The following MARK1 variants were observed in gnomAD, a reference collection of about 807,000 sequenced individuals.
MARK1 encodes the protein microtubule affinity regulating kinase 1.
A neutral mutation model predicts 96.3 loss-of-function variants in MARK1; 40 were observed. The ratio of observed to expected loss-of-function variants is 0.42; its 90% CI spans 0.32 to 0.54. The LOEUF (loss-of-function observed/expected upper bound fraction) is 0.54, where lower values mean the gene tolerates loss of function less well. Among genes scored for constraint, MARK1 ranks in the 20% least tolerant of loss-of-function variants. The pLI is 0.16. For missense variants in MARK1, 719 were observed against 984.6 expected (o/e 0.73, Z 3.61); for synonymous variants, 317 against 341.2 (o/e 0.93, Z 0.78).
intron 6 of MARK1, among the ~76,000 whole-genome samples, chr1:220,609,633 C>A (rs1461947684): frequency 6.6e-6 from 1 of 152,140 alleles, no homozygotes; most frequent in Non-Finnish European, 1.5e-5. Flanking sequence ...ATAATTGATG[C>A]AGTTTCTTCA....
chr1:220,652,074 T>G lies in MARK1; in HGVS notation c.1660T>G (p.Ser554Ala). The change falls in exon 15 of 18, where the codon TCC (serine) becomes GCC (alanine). Residue 554 changes from serine to alanine, a missense_variant. Around this residue, in one of 4 missense-constraint regions of MARK1, gnomAD observed 501 missense variants for 588.3 expected, o/e 0.85. Transcript: ENST00000366917. ...CTCAGCACGACCCCGCCACCAGAAGTCCATGTCCACTTCTGGTCATCCTAT... is the reference window on the plus strand; with the variant it reads ...CTCAGCACGACCCCGCCACCAGAAGGCCATGTCCACTTCTGGTCATCCTAT... ...VPSARPRHQKSMSTSGHPIKV... is the reference protein window; with the variant it reads ...VPSARPRHQKAMSTSGHPIKV... 6.2e-7 allele frequency: 1 copy of G among 1,613,780 alleles called. No homozygotes were observed.
At position 220,615,791 on chromosome 1, in the gene MARK1, T is replaced by C. The variant is rs112121892; in HGVS notation, c.496-148T>C. The stretch of plus-strand genomic sequence containing the variant: ...CAGTGAAAGTTTCATCACTTTAATG[T>C]GTATAGTTTTCTGAACTAAAAGCAT... On this transcript the variant is annotated intron_variant, in intron 6 of 17. Coordinates refer to ENST00000366917, the MANE Select transcript of MARK1 (RefSeq NM_018650.5). The C allele has an allele frequency of 9.1e-5, 46 of 505,698 alleles. 1 individual carries two copies. Among genetic ancestry groups the C allele is most frequent in the African/African-American group, 7.0e-4 (35 of 50,170 alleles). The allele number at this position is 505,698 out of a possible 1,614,324, so 31.3% of individuals were successfully genotyped here.
intron 1 of MARK1, among the ~76,000 whole-genome samples, chr1:220,531,698 A>T (rs1660327089): frequency 3.3e-5 from 5 of 152,184 alleles, no homozygotes; most frequent in Admixed American, 3.3e-4. Flanking sequence ...GTACTTTTTC[A>T]GGAGTATTTT....
At chr1:220,626,088 G>A (rs1667314331) in intron 9 of MARK1, 2 of 605,010 alleles carry the variant, frequency 3.3e-6, no homozygotes, top group South Asian at 3.1e-5. Flanking sequence ...GTGGCTCTCT[G>A]GCAAGTGCTG....
intron 1 of MARK1, among the ~76,000 whole-genome samples, chr1:220,558,147 A>ATAG (rs34054588): frequency 0.011 from 1,598 of 146,916 alleles, 26 homozygotes; most frequent in African/African-American, 0.038. Flanking sequence ...AATAATAATA[A>ATAG]TAATAATAAT....
chr1:220,646,965 A>G (rs1668611020), intron 13 of MARK1, among the ~76,000 whole-genome samples: 1 of 152,248 alleles, frequency 6.6e-6, no homozygotes, highest in African/African-American at 2.4e-5. Flanking sequence ...AAGAAAATCT[A>G]GGCAATACCA....
intron 13 of MARK1, among the ~76,000 whole-genome samples, chr1:220,650,137 T>C (rs1668793890): frequency 6.6e-6 from 1 of 152,158 alleles, no homozygotes; most frequent in South Asian, 2.1e-4. Context: ...CCTGGGGCAT[T>C]TAGTCTGCTT....
chr1:220,631,715 G>A (rs2103006362), intron 10 of MARK1, among the ~76,000 whole-genome samples: 1 of 152,232 alleles, frequency 6.6e-6, no homozygotes, highest in Non-Finnish European at 1.5e-5. Context: ...CAGAGTGGCA[G>A]GGGAGAGCAT....
chr1:220,592,484 T>C (rs1179904952), intron 3 of MARK1, among the ~76,000 whole-genome samples: 1 of 151,840 alleles, frequency 6.6e-6, no homozygotes, highest in Non-Finnish European at 1.5e-5. Flanking sequence ...AGCTCAGAAG[T>C]AGATTCCTCC....
intron 1 of MARK1, among the ~76,000 whole-genome samples, chr1:220,576,421 C>CAA (rs10710315): frequency 3.6e-5 from 5 of 138,558 alleles, no homozygotes; most frequent in African/African-American, 1.4e-4. Context: ...TTTTATTGGC[C>CAA]AAAAAAAAAA....
intron 1 of MARK1, among the ~76,000 whole-genome samples, chr1:220,554,713 A>G (rs1387158579): frequency 6.6e-6 from 1 of 152,240 alleles, no homozygotes; most frequent in East Asian, 1.9e-4. Context: ...TTCAGCAAGG[A>G]AACCACATCT....
At chr1:220,567,555 G>A (rs1265548497) in intron 1 of MARK1, among the ~76,000 whole-genome samples, 1 of 152,046 alleles carries the variant, frequency 6.6e-6, no homozygotes, top group Non-Finnish European at 1.5e-5. Flanking sequence ...TTGCTACTCT[G>A]GACTTTCCCT....
At chr1:220,604,484 C>A (rs1403923921) in intron 6 of MARK1, among the ~76,000 whole-genome samples, 2 of 151,798 alleles carry the variant, frequency 1.3e-5, no homozygotes, top group Non-Finnish European at 2.9e-5. Context: ...TTATTACTGG[C>A]TTTATATATA....
chr1:220,599,128 T>C (rs1665572209), intron 4 of MARK1, among the ~76,000 whole-genome samples: 1 of 152,210 alleles, frequency 6.6e-6, no homozygotes, highest in African/African-American at 2.4e-5. Flanking sequence ...AAAAGTTGAT[T>C]TCAATTTTAG....
intron 9 of MARK1, chr1:220,626,329 C>T: frequency 1.8e-6 from 1 of 545,564 alleles, no homozygotes; most frequent in East Asian, 4.8e-5. Context: ...TATGTCTTCT[C>T]CTAAGTAGGG....
chr1:220,568,095 T>C (rs1042911027), intron 1 of MARK1, among the ~76,000 whole-genome samples: 2 of 152,204 alleles, frequency 1.3e-5, no homozygotes, highest in Non-Finnish European at 2.9e-5. Context: ...GTTAAAATAT[T>C]GTTAAATTAT....
intron 1 of MARK1, among the ~76,000 whole-genome samples, chr1:220,552,999 T>G (rs1450742909): frequency 6.6e-6 from 1 of 152,180 alleles, no homozygotes; most frequent in Non-Finnish European, 1.5e-5. Context: ...ATGGCTACTT[T>G]GTTCATGAGG....
chr1:220,624,615 AG>A (rs1165755707), intron 9 of MARK1, among the ~76,000 whole-genome samples: 3 of 151,716 alleles, frequency 2.0e-5, no homozygotes, highest in Admixed American at 6.6e-5. Context: ...AAAAAAAAAA[AG>A]TTTTAGATTT....
chr1:220,534,093 G>A (rs1312803938), intron 1 of MARK1, among the ~76,000 whole-genome samples: 1 of 151,696 alleles, frequency 6.6e-6, no homozygotes, highest in East Asian at 1.9e-4. Context: ...TTTTTGGTGG[G>A]GAGGGAGTAG....
Sources: gnomAD v4.1 joint callset for allele counts (sites outside exome capture counted in the v4.1 genomes callset) on GRCh38, gnomAD v4.1.1 for gene constraint, gnomAD v4.1.1 regional missense constraint, MANE v1.5 for transcripts, NCBI Gene and HGNC (gene_info 2026-07-23, HGNC 2026-07-21) for gene names.